Variants in PARN observed in about 807,000 individuals in gnomAD.
PARN encodes the protein poly(A)-specific ribonuclease PARN.
PARN carries 71 observed loss-of-function variants against 102.8 expected under a neutral mutation model. The observed-to-expected ratio is 0.69, with a 90% confidence interval of 0.57 to 0.84. The LOEUF (loss-of-function observed/expected upper bound fraction) is 0.84. Among genes scored for constraint, PARN ranks in the 40% least tolerant of loss-of-function variants. The pLI is 0.00. For synonymous variants in PARN, 261 were observed against 252.9 expected (o/e 1.03, Z -0.30); for missense variants, 782 against 760.9 (o/e 1.03, Z -0.33).
At chr16:14,521,741 G>A (rs747990060) in intron 21 of PARN, among the ~76,000 whole-genome samples, 3 of 151,784 alleles carry the variant, frequency 2.0e-5, no homozygotes, top group Admixed American at 2.0e-4. Context: ...AGTGGTGGTT[G>A]TGGTAAACCA....
intron 13 of PARN, among the ~76,000 whole-genome samples, chr16:14,591,601 G>A (rs1267240218): frequency 6.6e-6 from 1 of 152,166 alleles, no homozygotes; most frequent in Admixed American, 6.5e-5. Flanking sequence ...ATGGAAAGCT[G>A]AAAATATTTT....
chr16:14,599,521 C>G (rs1004041748), intron 12 of PARN, among the ~76,000 whole-genome samples: 14 of 152,172 alleles, frequency 9.2e-5, no homozygotes, highest in Admixed American at 2.6e-4. Context: ...TTTTTACCCT[C>G]TAGATTCTTC....
chr16:14,560,565 G>A (rs1416751663), intron 18 of PARN, among the ~76,000 whole-genome samples: 8 of 152,208 alleles, frequency 5.3e-5, no homozygotes, highest in Admixed American at 5.2e-4. Context: ...CATTCTAGAT[G>A]TCATAGAGCA....
At chr16:14,625,645 A>G (rs1972601086) in intron 5 of PARN, among the ~76,000 whole-genome samples, 1 of 152,250 alleles carries the variant, frequency 6.6e-6, no homozygotes, top group African/African-American at 2.4e-5. Flanking sequence ...TAAGACCAGA[A>G]TTTAACCTTC....
chr16:14,540,993 A>G, intron 21 of PARN, among the ~76,000 whole-genome samples: 1 of 152,064 alleles, frequency 6.6e-6, no homozygotes, highest in Admixed American at 6.6e-5. Flanking sequence ...GGTTACAACT[A>G]AAAAGCACAG....
intron 18 of PARN, among the ~76,000 whole-genome samples, chr16:14,567,437 CAT>C (rs1160894580): frequency 6.6e-6 from 1 of 152,184 alleles, no homozygotes; most frequent in African/African-American, 2.4e-5. Flanking sequence ...TATCAACAAT[CAT>C]ACCACTGTCC....
In PARN at chr16:14,585,364, G is replaced by GT. The variant is rs36030259; in HGVS notation, c.963-574dup. Among the ~76,000 whole-genome samples the GT allele has an allele frequency of 9.7e-3, 1,174 of 121,100 alleles. 14 individuals are homozygous for GT. The highest frequency in any genetic ancestry group is 0.037 in the East Asian group (164 of 4,418). 79.4% of individuals were successfully genotyped at this position (121,100 alleles called of 152,430 possible). On this transcript the variant is annotated intron_variant, in intron 14 of 23. Transcript: ENST00000437198. ...ACCCACATGAAAACTCTATTTCTCT[G>GT]TTTTTTTTTTTTTTTTTTTTCATAT...
chr16:14,457,182 T>G (rs4782165), intron 22 of PARN, among the ~76,000 whole-genome samples: 29,472 of 152,116 alleles, frequency 0.19, 3,332 homozygotes, highest in African/African-American at 0.31. Context: ...TACATTCCAG[T>G]GTATGGGCAG....
intron 18 of PARN, among the ~76,000 whole-genome samples, chr16:14,571,964 GA>G (rs1313675336): frequency 6.6e-6 from 1 of 152,160 alleles, no homozygotes; most frequent in Non-Finnish European, 1.5e-5. Context: ...AATTCAAATG[GA>G]AATGAATCCT....
chr16:14,468,291 T>G (rs1423472407), intron 22 of PARN, among the ~76,000 whole-genome samples: 1 of 152,058 alleles, frequency 6.6e-6, no homozygotes, highest in South Asian at 2.1e-4. Flanking sequence ...AATAGAAAAG[T>G]GTGTGTTATG....
At chr16:14,557,087 T>C (rs527536569) in intron 18 of PARN, among the ~76,000 whole-genome samples, 1 of 152,164 alleles carries the variant, frequency 6.6e-6, no homozygotes, top group Non-Finnish European at 1.5e-5. Flanking sequence ...GGACAAAATA[T>C]CATGCATTCT....
intron 18 of PARN, among the ~76,000 whole-genome samples, chr16:14,567,573 T>A (rs1227567780): frequency 6.6e-6 from 1 of 152,178 alleles, no homozygotes; most frequent in Non-Finnish European, 1.5e-5. Context: ...GCAAGCACAT[T>A]AATATAAAAT....
rs767942651 is a variant in PARN at position 14,435,896 on chromosome 16, T to TCTCACACA, written c.*820_*821insTGTGTGAG. ...GGACATGTTGTAGATTTGCACGATT[T>TCTCACACA]CACACACACACACACACACACACAC... On this transcript the variant is annotated 3_prime_UTR_variant, in exon 24 of 24. Coordinates refer to ENST00000437198, the MANE Select transcript of PARN (RefSeq NM_002582.4). 7.6e-6 allele frequency: 1 copy of TCTCACACA among 131,076 alleles called. No homozygotes were observed. Among genetic ancestry groups the TCTCACACA allele is most frequent in the African/African-American group, 3.0e-5 (1 of 33,822 alleles). The allele number at this position is 131,076 out of a possible 1,614,324, so 8.1% of individuals were successfully genotyped here. A position where few individuals can be genotyped will look rare whatever the true frequency, so the allele number is the denominator to read the frequency against.
intron 22 of PARN, among the ~76,000 whole-genome samples, chr16:14,456,675 T>C (rs1246063879): frequency 6.6e-6 from 1 of 151,972 alleles, no homozygotes; most frequent in Non-Finnish European, 1.5e-5. Flanking sequence ...TCAGGGTAAA[T>C]GACCTCCCCC....
intron 13 of PARN, among the ~76,000 whole-genome samples, chr16:14,588,213 A>G (rs1174037817): frequency 6.6e-6 from 1 of 152,208 alleles, no homozygotes; most frequent in East Asian, 1.9e-4. Context: ...AGAAAATTCA[A>G]GTTGGAAGAA....
chr16:14,603,125 T>C (rs1412937975), intron 11 of PARN, among the ~76,000 whole-genome samples: 2 of 152,114 alleles, frequency 1.3e-5, no homozygotes, highest in Admixed American at 6.6e-5. Flanking sequence ...GGTTTCGCTA[T>C]GTTGCTCAGA....
At chr16:14,618,538 G>A (rs1205587274) in intron 5 of PARN, among the ~76,000 whole-genome samples, 2 of 150,390 alleles carry the variant, frequency 1.3e-5, no homozygotes, top group African/African-American at 4.9e-5. Flanking sequence ...GTGTGTACCT[G>A]CAATCCCAGT....
Position 14,610,056 on chromosome 16 carries a change from A to G in PARN, c.554+588T>C, listed in dbSNP as rs571761597. ...GTGAGATCCGTCTCTATTAAAAAAA[A>G]TAAAATAAAATAAAAAATCCACGCA... On this transcript the variant is annotated intron_variant, in intron 7 of 23. Transcript: ENST00000437198. Among the ~76,000 whole-genome samples, 13 of 151,338 alleles carry G rather than the reference A, an allele frequency of 8.6e-5. No individual in the cohort carries two copies. In the East Asian group the frequency reaches 2.1e-3, roughly 25 times the overall value.
At chr16:14,543,775 A>G (rs1966855609) in intron 21 of PARN, among the ~76,000 whole-genome samples, 1 of 152,266 alleles carries the variant, frequency 6.6e-6, no homozygotes, top group South Asian at 2.1e-4. Context: ...GGGTATACAA[A>G]AGAACAAAAC....
Sources: allele counts gnomAD v4.1 joint callset (sites outside exome capture counted in the v4.1 genomes callset), GRCh38; gene constraint gnomAD v4.1.1; transcripts MANE v1.5; gene names NCBI Gene and HGNC (gene_info 2026-07-23, HGNC 2026-07-21).